The following ITPR1 variants were observed in gnomAD, a reference collection of about 807,000 sequenced individuals.
ITPR1 encodes inositol 1,4,5-trisphosphate-gated calcium channel ITPR1.
In ITPR1, 96 loss-of-function variants were observed where a neutral mutation model predicts 318.4. The observed-to-expected ratio is 0.30, with a 90% confidence interval of 0.26 to 0.36. The LOEUF (loss-of-function observed/expected upper bound fraction) is 0.36, where lower values mean the gene tolerates loss of function less well. ITPR1 is among the 10% of genes least tolerant of loss of function. ITPR1 has a pLI of 1.00. For synonymous variants in ITPR1, 1,312 were observed against 1,289.9 expected (o/e 1.02, Z -0.37); for missense variants, 2,440 against 3,460.2 (o/e 0.71, Z 7.40).
chr3:4,627,393 G>A (rs1240265898), intron 4 of ITPR1, among the ~76,000 whole-genome samples: 4 of 152,172 alleles, frequency 2.6e-5, no homozygotes, highest in Non-Finnish European at 5.9e-5. Flanking sequence ...GAACCCAGGA[G>A]GCGGAGGTCG....
At chr3:4,835,753 C>T (rs753751691) in intron 60 of ITPR1, among the ~76,000 whole-genome samples, 3 of 152,246 alleles carry the variant, frequency 2.0e-5, no homozygotes, top group African/African-American at 4.8e-5. Context: ...CTTATGTATG[C>T]GGCATGCTCT....
chr3:4,713,248 G>C (rs575492997), intron 39 of ITPR1, among the ~76,000 whole-genome samples: 1 of 152,082 alleles, frequency 6.6e-6, no homozygotes, highest in African/African-American at 2.4e-5. Flanking sequence ...CCATAAAAAA[G>C]GTTAAATCCA....
intron 44 of ITPR1, among the ~76,000 whole-genome samples, chr3:4,747,619 C>T (rs1244972890): frequency 6.6e-6 from 1 of 152,138 alleles, no homozygotes; most frequent in Admixed American, 6.5e-5. Flanking sequence ...TAAGGTCTGC[C>T]CATGAATTCT....
At chr3:4,668,978 C>T (rs1358093631) in intron 18 of ITPR1, among the ~76,000 whole-genome samples, 1 of 152,160 alleles carries the variant, frequency 6.6e-6, no homozygotes, top group Admixed American at 6.5e-5. Flanking sequence ...AATTAAGACC[C>T]ATATTTTCAG....
At chr3:4,785,765 G>A (rs2047155757) in intron 51 of ITPR1, among the ~76,000 whole-genome samples, 1 of 152,164 alleles carries the variant, frequency 6.6e-6, no homozygotes, top group African/African-American at 2.4e-5. Context: ...GTGTGAACAA[G>A]GTCACCTAGC....
chr3:4,813,361 C>T (rs2049066689), intron 57 of ITPR1, 127 bp downstream of exon 57: 2 of 634,668 alleles, frequency 3.2e-6, no homozygotes, highest in Non-Finnish European at 5.5e-6. Context: ...AGGGGAAAGG[C>T]TGAGAAAGAG....
At chr3:4,797,908 T>C (rs985827107) in intron 53 of ITPR1, among the ~76,000 whole-genome samples, 32 of 152,248 alleles carry the variant, frequency 2.1e-4, no homozygotes, top group African/African-American at 7.2e-4. Flanking sequence ...GCCATTATCA[T>C]ATCTAACAAA....
intron 5 of ITPR1, among the ~76,000 whole-genome samples, chr3:4,630,876 C>T (rs532825691): frequency 3.9e-5 from 6 of 152,200 alleles, no homozygotes; most frequent in African/African-American, 1.4e-4. Context: ...GGTGAGCCAC[C>T]GTGCTCAGCC....
chr3:4,519,415 C>T (rs930853496), intron 3 of ITPR1, among the ~76,000 whole-genome samples: 2 of 152,102 alleles, frequency 1.3e-5, no homozygotes, highest in African/African-American at 4.8e-5. Flanking sequence ...CTAGTAGTGA[C>T]AGGATTTTGC....
chr3:4,644,419 G>A (rs1228579221), intron 8 of ITPR1, among the ~76,000 whole-genome samples, 185 bp downstream of exon 8: 1 of 152,216 alleles, frequency 6.6e-6, no homozygotes, highest in East Asian at 1.9e-4. Flanking sequence ...GTGTGCAGTG[G>A]GTAGTAGATG....
intron 44 of ITPR1, among the ~76,000 whole-genome samples, chr3:4,738,786 T>C (rs1350014588): frequency 1.3e-5 from 2 of 151,980 alleles, no homozygotes; most frequent in Admixed American, 1.3e-4. Context: ...AGGCTGTAGA[T>C]GAAATGCCAT....
chr3:4,500,021 C>A (rs77130143), intron 2 of ITPR1, among the ~76,000 whole-genome samples: 3,035 of 152,238 alleles, frequency 0.02, 99 homozygotes, highest in African/African-American at 0.069. Flanking sequence ...TTAGTTCTCT[C>A]GTCAGTGAGA....
intron 6 of ITPR1, among the ~76,000 whole-genome samples, chr3:4,641,824 G>A (rs1488935875): frequency 6.6e-6 from 1 of 152,222 alleles, no homozygotes; most frequent in Admixed American, 6.5e-5. Context: ...TGATGGCACA[G>A]TTGACCTGAG....
At chr3:4,563,688 C>G (rs6794363) in intron 4 of ITPR1, among the ~76,000 whole-genome samples, 108,055 of 151,960 alleles carry the variant, frequency 0.71, 38,464 homozygotes, top group Admixed American at 0.75. Context: ...TTTACTCTCT[C>G]TTTGGCTTCA....
chr3:4,555,039 A>C (rs186893069), intron 4 of ITPR1, among the ~76,000 whole-genome samples: 1 of 152,188 alleles, frequency 6.6e-6, no homozygotes, highest in African/African-American at 2.4e-5. Context: ...ATGTGTTTCC[A>C]TCTGTCATAG....
chr3:4,643,872 T>C (rs1300990015), intron 7 of ITPR1, among the ~76,000 whole-genome samples: 4 of 152,000 alleles, frequency 2.6e-5, no homozygotes, highest in Non-Finnish European at 5.9e-5. Flanking sequence ...TTTTTTTTTT[T>C]CCTGCTCTGA....
chr3:4,733,131 A>G lies in ITPR1; in HGVS notation c.5264A>G (p.Asn1755Ser). The change falls in exon 43 of 62, where the codon AAC becomes AGC. Residue 1755 changes from asparagine to serine, a missense_variant. Asn to Ser is a conservative substitution (Grantham distance 46, BLOSUM62 1). Around this residue, in one of 23 missense-constraint regions of ITPR1, gnomAD observed 166 missense variants for 143.7 expected, o/e 1.16. Coordinates refer to ENST00000649015, the MANE Select transcript of ITPR1 (RefSeq NM_001378452.1). ...RQVLVNRYYGNVRPSGRRESL... is the reference protein window; with the variant it reads ...RQVLVNRYYGSVRPSGRRESL... ...GTTCTGGTCAACCGTTACTATGGAAACGTCAGACCTTCGGGACGAAGAGAG... is the reference window on the plus strand; with the variant it reads ...GTTCTGGTCAACCGTTACTATGGAAGCGTCAGACCTTCGGGACGAAGAGAG... 1 of 1,613,804 alleles carries G rather than the reference A, an allele frequency of 6.2e-7. No homozygotes were observed. Among genetic ancestry groups the G allele is most frequent in the Admixed American group, 1.7e-5 (1 of 59,984 alleles).
intron 4 of ITPR1, among the ~76,000 whole-genome samples, chr3:4,570,884 CAAG>C (rs1284240768): frequency 2.0e-5 from 3 of 152,218 alleles, no homozygotes; most frequent in Non-Finnish European, 4.4e-5. Flanking sequence ...GCAGACACAA[CAAG>C]AAGTGCTTTT....
chr3:4,691,023 T>C (rs771049353), intron 31 of ITPR1, 121 bp from the exon 32 acceptor site: 16 of 582,996 alleles, frequency 2.7e-5, no homozygotes, highest in Non-Finnish European at 4.0e-5. Flanking sequence ...GAAACATATC[T>C]TCATGGGTTT....
Sources: allele counts gnomAD v4.1 joint callset (sites outside exome capture counted in the v4.1 genomes callset), GRCh38; gene constraint gnomAD v4.1.1; regional missense constraint gnomAD v4.1.1; transcripts MANE v1.5; gene names NCBI Gene and HGNC (gene_info 2026-07-23, HGNC 2026-07-21).